The following RLF variants were observed in gnomAD, a reference collection of about 807,000 sequenced individuals.
RLF encodes the protein zinc finger protein Rlf.
RLF carries 7 observed loss-of-function variants against 162.9 expected under a neutral mutation model. The ratio of observed to expected loss-of-function variants is 0.04; its 90% CI spans 0.02 to 0.08. The LOEUF is 0.08. RLF is among the 10% of genes least tolerant of loss of function. The probability of loss-of-function intolerance (pLI) is 1.00; values close to 1 mark genes in which losing one functional copy is unlikely to be tolerated. For synonymous variants in RLF, 782 were observed against 791.5 expected (o/e 0.99, Z 0.20); for missense variants, 1,664 against 2,244.7 (o/e 0.74, Z 5.23).
intron 6 of RLF, among the ~76,000 whole-genome samples, chr1:40,230,535 G>A (rs368585195): frequency 3.3e-5 from 5 of 152,000 alleles, no homozygotes; most frequent in South Asian, 2.1e-4. Context: ...AGGTTCAAGC[G>A]ATTCTCCTGT....
chr1:40,217,580 T>G (rs1221914245), intron 5 of RLF, among the ~76,000 whole-genome samples: 1 of 152,076 alleles, frequency 6.6e-6, no homozygotes, highest in African/African-American at 2.4e-5. Context: ...GAGACCAGCC[T>G]GGGCAACACG....
intron 5 of RLF, among the ~76,000 whole-genome samples, chr1:40,205,485 CTTTT>C (rs36038824): frequency 2.8e-3 from 301 of 107,042 alleles, no homozygotes; most frequent in Middle Eastern, 5.1e-3. Flanking sequence ...TTCCTTCCTT[CTTTT>C]TTTTTTTTTT....
chr1:40,210,356 A>T (rs147034422), intron 5 of RLF, among the ~76,000 whole-genome samples: 2 of 152,168 alleles, frequency 1.3e-5, no homozygotes, highest in Non-Finnish European at 2.9e-5. Flanking sequence ...TGGAGCTTTA[A>T]GTAATGGTGG....
chr1:40,194,180 T>G (rs1642598125), intron 3 of RLF, among the ~76,000 whole-genome samples: 1 of 152,010 alleles, frequency 6.6e-6, no homozygotes, highest in Admixed American at 6.6e-5. Flanking sequence ...TTTCAGGACA[T>G]TTTATATAGA....
intron 5 of RLF, among the ~76,000 whole-genome samples, chr1:40,219,083 T>C (rs1418513077): frequency 1.3e-5 from 2 of 152,224 alleles, no homozygotes; most frequent in African/African-American, 4.8e-5. Context: ...AAGTATTTTG[T>C]GGCATATATT....
intron 3 of RLF, among the ~76,000 whole-genome samples, chr1:40,192,745 T>G (rs1269785521): frequency 6.6e-6 from 1 of 152,204 alleles, no homozygotes; most frequent in Non-Finnish European, 1.5e-5. Context: ...CCCTTAAGTT[T>G]TCTTATTTTA....
At chr1:40,221,163 G>A (rs1642988633) in intron 5 of RLF, among the ~76,000 whole-genome samples, 1 of 151,592 alleles carries the variant, frequency 6.6e-6, no homozygotes, top group African/African-American at 2.4e-5. Context: ...AAAGGTAAAG[G>A]CCAGTATGAG....
chr1:40,196,230 G>A (rs963464566), intron 4 of RLF, among the ~76,000 whole-genome samples: 10 of 151,690 alleles, frequency 6.6e-5, no homozygotes, highest in African/African-American at 1.7e-4. Flanking sequence ...GCGCCACCAC[G>A]CCTGGCTAAG....
intron 1 of RLF, among the ~76,000 whole-genome samples, chr1:40,162,108 T>C (rs977460643): frequency 4.6e-5 from 7 of 151,970 alleles, no homozygotes; most frequent in African/African-American, 1.7e-4. Flanking sequence ...TCCTAAAAGG[T>C]ATGACAGTTG....
rs375128491 is a variant in RLF at position 40,202,497 on chromosome 1, T to G, written c.693T>G (p.Ala231=). 5.7e-6 allele frequency: 9 copies of G among 1,583,582 alleles called. No homozygotes were observed. In the African/African-American group the frequency reaches 1.1e-4, roughly 19 times the overall value. Residue 231 remains alanine, a synonymous_variant, in exon 5 of 8, where the codon GCT becomes GCG. Coordinates refer to ENST00000372771, the MANE Select transcript of RLF (RefSeq NM_012421.4). ...HLLKSNCIPQ[A]TALSKLCAES... is the part of the protein sequence containing the mutation. ...TGAAATCTAACTGCATCCCCCAGGC[T>G]ACTGCTTTATCAAAACTATGTGCAG...
intron 6 of RLF, among the ~76,000 whole-genome samples, chr1:40,227,548 G>T (rs1247656103): frequency 6.6e-6 from 1 of 151,814 alleles, no homozygotes; most frequent in East Asian, 1.9e-4. Flanking sequence ...TATTTGGGTG[G>T]GTAATCATTT....
intron 5 of RLF, among the ~76,000 whole-genome samples, chr1:40,221,854 C>T (rs1329281048): frequency 3.5e-5 from 5 of 142,082 alleles, no homozygotes; most frequent in African/African-American, 5.5e-5. Context: ...GAGCTGAGAT[C>T]GCGCCACTGC....
intron 4 of RLF, among the ~76,000 whole-genome samples, chr1:40,200,144 A>G (rs2124541089): frequency 6.6e-6 from 1 of 152,304 alleles, no homozygotes; most frequent in East Asian, 1.9e-4. Flanking sequence ...ACCAAAAAAC[A>G]TACATCCCAA....
intron 4 of RLF, among the ~76,000 whole-genome samples, chr1:40,201,581 G>A (rs1005298818): frequency 3.4e-5 from 5 of 145,174 alleles, no homozygotes; most frequent in Non-Finnish European, 6.0e-5. Context: ...AGCCAAGATC[G>A]CGCCACGGCA....
In RLF at chr1:40,222,560, C is replaced by T; in HGVS notation, c.811-14C>T. On this transcript the variant is annotated splice_polypyrimidine_tract_variant and intron_variant, in intron 5 of 7. Transcript: ENST00000372771. ...ACCATTTTCTTTTTGACTTAGTCATCTCATTTTTGATAGATTGCAAAGGTC... is the reference window on the plus strand; with the variant it reads ...ACCATTTTCTTTTTGACTTAGTCATTTCATTTTTGATAGATTGCAAAGGTC... 6.2e-7 allele frequency: 1 copy of T among 1,609,506 alleles called. No individual in the cohort carries two copies. The highest frequency in any genetic ancestry group is 8.5e-7 in the Non-Finnish European group (1 of 1,177,990).
At chr1:40,204,223 G>A (rs961937973) in intron 5 of RLF, among the ~76,000 whole-genome samples, 5 of 151,928 alleles carry the variant, frequency 3.3e-5, no homozygotes, top group Non-Finnish European at 7.4e-5. Context: ...CACCATCTTG[G>A]CCAGGCTGGT....
At position 40,238,844 on chromosome 1, in the gene RLF, A is replaced by G. The variant is rs770558682; in HGVS notation, c.4142A>G (p.Lys1381Arg). The G allele has an allele frequency of 1.2e-6, 2 of 1,614,138 alleles. No individual in the cohort carries two copies. Among genetic ancestry groups the G allele is most frequent in the Admixed American group, 1.7e-5 (1 of 60,020 alleles). Reference sequence around the variant, plus strand: ...TTCCTGTGTTCCAAAGCTCTTGCTAAGCACTGTAGTGATTCTCATAACCTA... The same window carrying G: ...TTCCTGTGTTCCAAAGCTCTTGCTAGGCACTGTAGTGATTCTCATAACCTA... ...KRFLCSKALAKHCSDSHNLDH... is the reference protein window; with the variant it reads ...KRFLCSKALARHCSDSHNLDH... The change falls in exon 8 of 8, where the codon AAG becomes AGG. Residue 1381 changes from lysine to arginine, a missense_variant. Coordinates refer to ENST00000372771, the MANE Select transcript of RLF (RefSeq NM_012421.4). The surrounding 1 kb of genome is among the most constrained non-coding windows in gnomAD (Gnocchi z 5.2).
intron 6 of RLF, 56 bp downstream of exon 6, chr1:40,222,766 G>A: frequency 6.8e-7 from 1 of 1,463,342 alleles, no homozygotes; most frequent in East Asian, 2.3e-5. Flanking sequence ...TAGCATTTAG[G>A]GTTTATGTAA....
intron 5 of RLF, among the ~76,000 whole-genome samples, chr1:40,211,337 T>C (rs1642862108): frequency 6.6e-6 from 1 of 152,232 alleles, no homozygotes; most frequent in Admixed American, 6.5e-5. Flanking sequence ...CAAGCCCAGC[T>C]GGAATGCAGG....
Sources: gnomAD v4.1 joint callset for allele counts (sites outside exome capture counted in the v4.1 genomes callset) on GRCh38, gnomAD v4.1.1 for gene constraint, Gnocchi (gnomAD v3.1) non-coding constraint, MANE v1.5 for transcripts, NCBI Gene and HGNC (gene_info 2026-07-23, HGNC 2026-07-21) for gene names.